The following PPFIBP1 variants were observed in gnomAD, a reference collection of about 807,000 sequenced individuals.
The protein encoded by PPFIBP1 is PPFIB scaffold protein 1.
PPFIBP1 carries 112 observed loss-of-function variants against 137.8 expected under a neutral mutation model. The observed-to-expected ratio is 0.81, with a 90% CI of 0.70 to 0.95. The LOEUF (loss-of-function observed/expected upper bound fraction) is 0.95. PPFIBP1 is among the 40% of genes least tolerant of loss of function. The pLI is 0.00. For synonymous variants in PPFIBP1, 378 were observed against 417.3 expected (o/e 0.91, Z 1.15); for missense variants, 1,083 against 1,196.6 (o/e 0.91, Z 1.40).
chr12:27,525,512 GGA>G (rs760529798), intron 1 of PPFIBP1, among the ~76,000 whole-genome samples: 1 of 63,870 alleles, frequency 1.6e-5, no homozygotes, highest in Non-Finnish European at 3.1e-5. Flanking sequence ...GGAGCAGGAA[GGA>G]AAAAAAAAAA....
rs890526029 is a variant in PPFIBP1 at position 27,658,793 on chromosome 12, A to G, written c.812-23A>G. The G allele has an allele frequency of 6.8e-6, 11 of 1,605,968 alleles. No individual in the cohort carries two copies. The Admixed American group carries it at 8.4e-5, about 12-fold the overall frequency. On this transcript the variant is annotated intron_variant, in intron 9 of 29. Coordinates refer to ENST00000228425, the MANE Select transcript of PPFIBP1 (RefSeq NM_003622.4). ...TTGTTGTAATGTATGCTAACTTCCA[A>G]TCCAATGGGTTTTCCTGCACAGATG...
intron 2 of PPFIBP1, among the ~76,000 whole-genome samples, chr12:27,614,293 C>T (rs1380129376): frequency 4.6e-5 from 7 of 152,102 alleles, no homozygotes; most frequent in Admixed American, 3.3e-4. Flanking sequence ...GCAGGAAGAT[C>T]ACTTAAGCCC....
intron 2 of PPFIBP1, among the ~76,000 whole-genome samples, chr12:27,580,647 C>T (rs959753729): frequency 3.9e-5 from 6 of 152,162 alleles, no homozygotes; most frequent in South Asian, 2.1e-4. Flanking sequence ...TATGAGACTT[C>T]GGTTTTTAAT....
rs189276763 is a variant in PPFIBP1 at position 27,571,846 on chromosome 12, T to C, written c.-123-6306T>C. On this transcript the variant is annotated intron_variant, in intron 1 of 29. Coordinates refer to ENST00000228425, the MANE Select transcript of PPFIBP1 (RefSeq NM_003622.4). The stretch of plus-strand genomic sequence containing the variant: ...TTTGCAGTAACACATTGGTTAGTGA[T>C]TTAGTGGAAATACTTGATTTTACAG... 1.0e-3 allele frequency among the ~76,000 whole-genome samples: 158 copies of C among 152,336 alleles called. 1 individual carries two copies. Among genetic ancestry groups the C allele is most frequent in the African/African-American group, 3.6e-3 (148 of 41,578 alleles).
chr12:27,603,029 A>G (rs574816369), intron 2 of PPFIBP1, among the ~76,000 whole-genome samples: 1 of 152,312 alleles, frequency 6.6e-6, no homozygotes, highest in South Asian at 2.1e-4. Flanking sequence ...TTCTTATTGT[A>G]TTTTATAATG....
At chr12:27,631,629 T>C (rs922860646) in intron 2 of PPFIBP1, among the ~76,000 whole-genome samples, 1 of 152,222 alleles carries the variant, frequency 6.6e-6, no homozygotes, top group African/African-American at 2.4e-5. Context: ...TTTAAAGAAC[T>C]AGTTCTTCAC....
rs531201341 is a variant in PPFIBP1, at chr12:27,671,375, C to G, written c.1147-56C>G. On this transcript the variant is annotated intron_variant, in intron 13 of 29. Transcript: ENST00000228425. ...TTTTCTTATGTTTATTTAAATTACT[C>G]TGTGGCTTGTGTTTTGTTTTGATTG... 1.3e-4 allele frequency: 126 copies of G among 969,524 alleles called. 5 individuals carry two copies. The South Asian group carries it at 2.0e-3, about 15-fold the overall frequency. The allele number at this position is 969,524 out of a possible 1,614,324, so 60.1% of individuals were successfully genotyped here. A position where few individuals can be genotyped will look rare whatever the true frequency, so the allele number is the denominator to read the frequency against.
At chr12:27,659,859 C>T (rs1372213839) in intron 10 of PPFIBP1, among the ~76,000 whole-genome samples, 1 of 152,092 alleles carries the variant, frequency 6.6e-6, no homozygotes, top group East Asian at 1.9e-4. Flanking sequence ...GTGAGAGGAT[C>T]ACTGGAGCCC....
Position 27,582,120 on chromosome 12 carries a change from AT to A in PPFIBP1, c.-36+3891del, listed in dbSNP as rs145145861. ...AGGAAATTGGCAGCCAATGACTTTG[AT>A]TTTTTTTTTCCTTTATGAGACAGAT... is the stretch of plus-strand genomic sequence containing the variant. On this transcript the variant is annotated intron_variant, in intron 2 of 29. Coordinates refer to ENST00000228425, the MANE Select transcript of PPFIBP1 (RefSeq NM_003622.4). Among the ~76,000 whole-genome samples the A allele has an allele frequency of 1.9e-3, 288 of 149,266 alleles. 1 individual carries two copies. Among genetic ancestry groups the A allele is most frequent in the African/African-American group, 5.7e-3 (233 of 40,664 alleles).
At chr12:27,652,871 A>G (rs2058961224) in intron 7 of PPFIBP1, among the ~76,000 whole-genome samples, 1 of 152,172 alleles carries the variant, frequency 6.6e-6, no homozygotes, top group South Asian at 2.1e-4. Context: ...GGAAAAGCTG[A>G]TTTTTTTCTT....
chr12:27,543,348 A>G (rs1400640274), intron 1 of PPFIBP1, among the ~76,000 whole-genome samples: 1 of 152,178 alleles, frequency 6.6e-6, no homozygotes, highest in Non-Finnish European at 1.5e-5. Flanking sequence ...TGTGTCCTGG[A>G]CCTTCTTATT....
At chr12:27,582,111 A>G (rs1049333227) in intron 2 of PPFIBP1, among the ~76,000 whole-genome samples, 2 of 152,020 alleles carry the variant, frequency 1.3e-5, no homozygotes, top group Non-Finnish European at 2.9e-5. Context: ...TTGGCAGCCA[A>G]TGACTTTGAT....
At chr12:27,558,262 T>TTTTG (rs79754714) in intron 1 of PPFIBP1, among the ~76,000 whole-genome samples, 71 of 148,276 alleles carry the variant, frequency 4.8e-4, no homozygotes, top group East Asian at 1.8e-3. Context: ...CTGGGTTTTT[T>TTTTG]TTTTGTTTTG....
Position 27,532,111 on chromosome 12 carries a change from T to C in PPFIBP1, c.-124+7746T>C, listed in dbSNP as rs1479242930. Reference sequence around the variant, plus strand: ...ACATGCACTGCTTTGATGACAGATATTGTTGTTACTATTTCATTAAGCACG... The same window carrying C: ...ACATGCACTGCTTTGATGACAGATACTGTTGTTACTATTTCATTAAGCACG... On this transcript the variant is annotated intron_variant, in intron 1 of 29. Coordinates refer to ENST00000228425, the MANE Select transcript of PPFIBP1 (RefSeq NM_003622.4). Among the ~76,000 whole-genome samples the C allele has an allele frequency of 4.6e-5, 7 of 152,326 alleles. No homozygotes were observed. In the East Asian group the frequency reaches 1.3e-3, roughly 29 times the overall value.
intron 27 of PPFIBP1, among the ~76,000 whole-genome samples, chr12:27,689,685 G>GCCTTCT (rs2061411822): frequency 6.6e-6 from 1 of 152,024 alleles, no homozygotes; most frequent in African/African-American, 2.4e-5. Context: ...TTGAGTCCTT[G>GCCTTCT]CCTTCTCCCT....
At chr12:27,569,308 A>G (rs1029057241) in intron 1 of PPFIBP1, among the ~76,000 whole-genome samples, 14 of 152,284 alleles carry the variant, frequency 9.2e-5, no homozygotes, top group African/African-American at 3.4e-4. Context: ...TATTGCACTG[A>G]TATATTAAAT....
chr12:27,653,642 A>T (rs1264302203), intron 7 of PPFIBP1, among the ~76,000 whole-genome samples: 1 of 150,874 alleles, frequency 6.6e-6, no homozygotes, highest in African/African-American at 2.4e-5. Flanking sequence ...TATAGTAACC[A>T]TTGTAGGGAT....
At chr12:27,686,474 G>T (rs1385356624) in intron 24 of PPFIBP1, among the ~76,000 whole-genome samples, 1 of 152,106 alleles carries the variant, frequency 6.6e-6, no homozygotes, top group African/African-American at 2.4e-5. Flanking sequence ...CCTTGAAGGG[G>T]TTGATTGGTA....
chr12:27,677,096 G>C lies in PPFIBP1; in HGVS notation c.1615G>C (p.Ala539Pro). 6.2e-7 allele frequency: 1 copy of C among 1,614,040 alleles called. No homozygotes were observed. Among genetic ancestry groups the C allele is most frequent in the East Asian group, 2.2e-5 (1 of 44,886 alleles). ...ACGAAGTGCCAGTGCACCCACCCTA[G>C]GTATTGTACCCCTGCATGCCAGCCT... is the stretch of plus-strand genomic sequence containing the variant. Reference protein sequence around the residue: ...RKRSASAPTLAETEKETAEHL... With the variant: ...RKRSASAPTLPETEKETAEHL... Residue 539 changes from alanine (A) to proline (P), a missense_variant and splice_region_variant, in exon 19 of 30, where the codon GCT (alanine) becomes CCT (proline). Transcript: ENST00000228425.
Sources: gnomAD v4.1 joint callset for allele counts (sites outside exome capture counted in the v4.1 genomes callset) on GRCh38, gnomAD v4.1.1 for gene constraint, MANE v1.5 for transcripts, NCBI Gene and HGNC (gene_info 2026-07-23, HGNC 2026-07-21) for gene names.